FNDC3B: variants seen among roughly 807,000 people sequenced by gnomAD.
The protein encoded by FNDC3B is fibronectin type III domain-containing protein 3B.
Under a neutral mutation model 151.5 loss-of-function variants are expected in FNDC3B, and 12 were observed. The observed-to-expected ratio is 0.08, with a 90% CI of 0.05 to 0.13. The LOEUF is 0.13. Ranked by LOEUF, FNDC3B falls within the 10% of genes least tolerant of loss-of-function variation. The pLI is 1.00. For missense variants in FNDC3B, 1,214 were observed against 1,505.3 expected, an observed-to-expected ratio of 0.81 and a Z score of 3.20; for synonymous variants, 528 against 549.0, an observed-to-expected ratio of 0.96 and a Z score of 0.54.
chr3:172,075,979 A>T (rs749664662), intron 1 of FNDC3B, among the ~76,000 whole-genome samples: 8 of 152,132 alleles, frequency 5.3e-5, no homozygotes, highest in Non-Finnish European at 2.9e-5. Flanking sequence ...CTTTCACATG[A>T]TAACCCTGTA....
rs547221263 is a variant in FNDC3B, at chr3:172,045,529, T to G, written c.-29+5758T>G. On this transcript the variant is annotated intron_variant, in intron 1 of 25. Transcript: ENST00000415807. ...AGCCTATTACTTGAGCTTTCAGCAA[T>G]TACAGCTGAGAATGGAAAAGAATCG... is the stretch of plus-strand genomic sequence containing the variant. Among the ~76,000 whole-genome samples the G allele has an allele frequency of 2.4e-4, 37 of 152,318 alleles. No homozygotes were observed. The East Asian group carries it at 7.1e-3, about 29-fold the overall frequency.
rs1199359058 is a variant in FNDC3B, at chr3:172,401,632, A to ACAACAACAG, written c.*4161_*4169dup. On this transcript the variant is annotated 3_prime_UTR_variant, in exon 26 of 26. Coordinates refer to ENST00000415807, the MANE Select transcript of FNDC3B (RefSeq NM_022763.4). ...CTGCAGGTCTCATTCAACAACAACAACAACAACAGCAATAAAACACAGTGT... is the reference window on the plus strand; with the variant it reads ...CTGCAGGTCTCATTCAACAACAACAACAACAACAGCAACAACAGCAATAAAACACAGTGT... 1.3e-5 allele frequency: 2 copies of ACAACAACAG among 152,222 alleles called. No homozygotes were observed. The highest frequency in any genetic ancestry group is 2.4e-5 in the African/African-American group (1 of 41,426). The allele number at this position is 152,222 out of a possible 1,614,324, so 9.4% of individuals were successfully genotyped here. A position where few individuals can be genotyped will look rare whatever the true frequency, so the allele number is the denominator to read the frequency against.
At chr3:172,071,437 G>T (rs1717768344) in intron 1 of FNDC3B, among the ~76,000 whole-genome samples, 1 of 151,846 alleles carries the variant, frequency 6.6e-6, no homozygotes, top group Non-Finnish European at 1.5e-5. Context: ...GGATCTTTAG[G>T]TATATATATA....
intron 9 of FNDC3B, among the ~76,000 whole-genome samples, chr3:172,303,705 A>G (rs1731049586): frequency 6.8e-6 from 1 of 147,558 alleles, no homozygotes; most frequent in South Asian, 2.2e-4. Context: ...ATATTTATGG[A>G]AAACTCATTG....
intron 23 of FNDC3B, among the ~76,000 whole-genome samples, chr3:172,376,233 T>C (rs577800690): frequency 8.7e-4 from 132 of 152,382 alleles, no homozygotes; most frequent in African/African-American, 2.9e-3. Flanking sequence ...GTATGTTATC[T>C]GTTCTATTTA....
At chr3:172,301,043 A>G (rs971415255) in intron 9 of FNDC3B, among the ~76,000 whole-genome samples, 1 of 152,220 alleles carries the variant, frequency 6.6e-6, no homozygotes, top group Non-Finnish European at 1.5e-5. Context: ...TGCAACTTGA[A>G]GTTAATGGCT....
chr3:172,315,391 G>A (rs1186183977), intron 11 of FNDC3B, among the ~76,000 whole-genome samples: 3 of 152,128 alleles, frequency 2.0e-5, no homozygotes, highest in East Asian at 3.9e-4. Flanking sequence ...AGAAAAAAAA[G>A]GAATTTACAG....
In FNDC3B at chr3:172,258,328, A is replaced by C. The variant is rs373792310; in HGVS notation, c.790+6787A>C. 1.1e-3 allele frequency among the ~76,000 whole-genome samples: 166 copies of C among 152,222 alleles called. 3 individuals carry two copies. The South Asian group carries it at 0.034, about 31-fold the overall frequency. On this transcript the variant is annotated intron_variant, in intron 6 of 25. Coordinates refer to ENST00000415807, the MANE Select transcript of FNDC3B (RefSeq NM_022763.4). The stretch of plus-strand genomic sequence containing the variant: ...TTATTCTTGTGCATTTGTCTTTCAG[A>C]GTTCGCAGATTGCTTTCTGACTCCA...
chr3:172,161,482 A>T (rs1722764001), intron 3 of FNDC3B, among the ~76,000 whole-genome samples: 1 of 152,224 alleles, frequency 6.6e-6, no homozygotes, highest in Non-Finnish European at 1.5e-5. Context: ...CCTCTGATGA[A>T]TAGAATCAAA....
chr3:172,156,503 T>C (rs922536894), intron 3 of FNDC3B, among the ~76,000 whole-genome samples: 3 of 152,202 alleles, frequency 2.0e-5, no homozygotes, highest in African/African-American at 7.2e-5. Flanking sequence ...CTGGCAGGGA[T>C]CTGCAGCCAG....
At chr3:172,113,268 C>T (rs1314809547) in intron 2 of FNDC3B, among the ~76,000 whole-genome samples, 2 of 152,190 alleles carry the variant, frequency 1.3e-5, no homozygotes, top group Non-Finnish European at 2.9e-5. Flanking sequence ...TATCTTTGTA[C>T]ATCCTTCAGA....
At chr3:172,328,715 T>C (rs1302416395) in intron 11 of FNDC3B, among the ~76,000 whole-genome samples, 1 of 152,192 alleles carries the variant, frequency 6.6e-6, no homozygotes, top group East Asian at 1.9e-4. Context: ...GTACAGTAAA[T>C]TACCTGTCTC....
chr3:172,232,767 C>T (rs1184354065), intron 4 of FNDC3B, among the ~76,000 whole-genome samples: 2 of 152,152 alleles, frequency 1.3e-5, no homozygotes, highest in Admixed American at 6.5e-5. Context: ...AGAACATGGA[C>T]GTTACCTGGA....
intron 11 of FNDC3B, among the ~76,000 whole-genome samples, chr3:172,319,161 T>A (rs1283429133): frequency 2.0e-5 from 3 of 152,164 alleles, no homozygotes; most frequent in Non-Finnish European, 4.4e-5. Flanking sequence ...GACACCTGAT[T>A]TATCAACTCG....
chr3:172,315,243 A>G (rs543657347), intron 11 of FNDC3B, among the ~76,000 whole-genome samples: 34 of 152,190 alleles, frequency 2.2e-4, no homozygotes, highest in Admixed American at 2.1e-3. Flanking sequence ...TGGGCATGAC[A>G]GTGGGCGCCT....
intron 9 of FNDC3B, chr3:172,302,591 C>A (rs1223822186): frequency 6.6e-6 from 1 of 152,184 alleles, no homozygotes; most frequent in Non-Finnish European, 1.5e-5. Context: ...TTCTCCTAAT[C>A]TCCTAGTGGT....
At chr3:172,299,889 T>TA (rs1256194609) in intron 9 of FNDC3B, among the ~76,000 whole-genome samples, 14 of 152,046 alleles carry the variant, frequency 9.2e-5, no homozygotes, top group Admixed American at 5.9e-4. Context: ...TTTTCTCAGT[T>TA]AAAAAAAAGG....
At chr3:172,181,405 A>AAC (rs1553769922) in intron 3 of FNDC3B, among the ~76,000 whole-genome samples, 17 of 146,090 alleles carry the variant, frequency 1.2e-4, no homozygotes, top group African/African-American at 1.7e-4. Context: ...CAAAAAAAAA[A>AAC]AAAAAAAAAC....
chr3:172,049,472 T>G (rs1041189777), intron 1 of FNDC3B, among the ~76,000 whole-genome samples: 2 of 152,176 alleles, frequency 1.3e-5, no homozygotes, highest in Admixed American at 6.5e-5. Flanking sequence ...CATTTAGAAA[T>G]CCAGTAGTAG....
Sources: gnomAD v4.1 joint callset for allele counts (sites outside exome capture counted in the v4.1 genomes callset) on GRCh38, gnomAD v4.1.1 for gene constraint, MANE v1.5 for transcripts, NCBI Gene and HGNC (gene_info 2026-07-23, HGNC 2026-07-21) for gene names.